Variants in PJA2 observed in about 807,000 individuals in gnomAD.
PJA2 encodes the protein E3 ubiquitin-protein ligase Praja-2.
PJA2 carries 25 observed loss-of-function variants against 69.3 expected under a neutral mutation model. That is an observed-to-expected ratio of 0.36 (90% CI 0.26 to 0.50). The LOEUF is 0.50. Ranked by LOEUF, PJA2 falls within the 20% of genes least tolerant of loss-of-function variation. The pLI is 0.96. For missense variants in PJA2, 809 were observed against 830.2 expected (o/e 0.97, Z 0.31); for synonymous variants, 308 against 277.8 (o/e 1.11, Z -1.08).
chr5:109,371,497 T>C (rs945059682), intron 4 of PJA2, among the ~76,000 whole-genome samples: 6 of 152,222 alleles, frequency 3.9e-5, no homozygotes, highest in Admixed American at 2.0e-4. Flanking sequence ...ATGGCTCTTG[T>C]AGTCTTAGCT....
At chr5:109,361,260 C>A (rs79811484) in intron 6 of PJA2, among the ~76,000 whole-genome samples, 4,641 of 152,082 alleles carry the variant, frequency 0.031, 93 homozygotes, top group Middle Eastern at 0.048. Flanking sequence ...CAGTAATGTC[C>A]CCTCCAATTA....
chr5:109,344,333 G>T, intron 8 of PJA2, 22 bp from the exon 9 acceptor site: 1 of 1,579,438 alleles, frequency 6.3e-7, no homozygotes, highest in Non-Finnish European at 8.6e-7. Context: ...AAATAATTCA[G>T]GTCAATCACA....
At chr5:109,340,022 T>C (rs750698038) in intron 9 of PJA2, among the ~76,000 whole-genome samples, 4 of 152,208 alleles carry the variant, frequency 2.6e-5, no homozygotes, top group South Asian at 2.1e-4. Flanking sequence ...GGAAGTCTCA[T>C]GAGACTTGAG....
chr5:109,369,373 T>C (rs955906528), intron 4 of PJA2, among the ~76,000 whole-genome samples: 3 of 152,214 alleles, frequency 2.0e-5, no homozygotes, highest in African/African-American at 7.2e-5. Flanking sequence ...TGGCAAGTTA[T>C]GGAATATATC....
intron 5 of PJA2, among the ~76,000 whole-genome samples, chr5:109,365,454 A>T (rs892275402): frequency 1.1e-4 from 16 of 152,184 alleles, no homozygotes; most frequent in African/African-American, 3.9e-4. Flanking sequence ...AATGAAATGG[A>T]ACGTGTACAC....
intron 6 of PJA2, among the ~76,000 whole-genome samples, 154 bp from the exon 7 acceptor site, chr5:109,356,180 G>A (rs1430264769): frequency 6.6e-6 from 1 of 152,098 alleles, no homozygotes; most frequent in Non-Finnish European, 1.5e-5. Context: ...TAGGGTTAGG[G>A]GCAGGAGGGA....
At chr5:109,399,228 G>T (rs1233574409) in intron 1 of PJA2, among the ~76,000 whole-genome samples, 1 of 146,466 alleles carries the variant, frequency 6.8e-6, no homozygotes, top group Non-Finnish European at 1.5e-5. Context: ...AAAAAAAAAA[G>T]ATATGAGGCA....
intron 1 of PJA2, among the ~76,000 whole-genome samples, chr5:109,391,515 A>T (rs1427509176): frequency 6.6e-6 from 1 of 152,044 alleles, no homozygotes; most frequent in Non-Finnish European, 1.5e-5. Context: ...GAGCACTATA[A>T]AGATGTACCC....
intron 1 of PJA2, chr5:109,390,849 G>C (rs1425671429): frequency 6.6e-6 from 1 of 151,972 alleles, no homozygotes; most frequent in Admixed American, 6.6e-5. Flanking sequence ...AGTATTTTAA[G>C]TTTTCTTTTG....
chr5:109,397,754 T>C lies in PJA2; in HGVS notation c.-88+12088A>G, dbSNP rs1305932105. ...GGCCAGGCTGGTCTTGAACTCCTGA[T>C]CTCAAATGATCCACCCAGCGTGGCC... On this transcript the variant is annotated intron_variant, in intron 1 of 9. Transcript: ENST00000361189. Among the ~76,000 whole-genome samples, 3 of 151,978 alleles carry C rather than the reference T, an allele frequency of 2.0e-5. No individual in the cohort carries two copies. The East Asian group carries it at 5.8e-4, about 30-fold the overall frequency.
At chr5:109,338,389 C>T (rs1359265821) in intron 9 of PJA2, among the ~76,000 whole-genome samples, 1 of 152,108 alleles carries the variant, frequency 6.6e-6, no homozygotes, top group Non-Finnish European at 1.5e-5. Flanking sequence ...CCTGTAATCC[C>T]AGCACTTTGG....
At position 109,337,245 on chromosome 5, in the gene PJA2, C is replaced by T. The variant is rs246105; in HGVS notation, c.2113G>A (p.Ala705Thr). The change falls in exon 10 of 10, where the codon GCA (alanine) becomes ACA (threonine). Residue 705 changes from alanine (A) to threonine (T), a missense_variant. Coordinates refer to ENST00000361189, the MANE Select transcript of PJA2 (RefSeq NM_014819.5). The stretch of plus-strand genomic sequence containing the variant: ...ACTGTCAAGGTTTAGGGTGCTTCTG[C>T]AATACTGTCATTTGAAGGTGGGGCA... ...PDAPPSNDSI[A>T]EAP is the part of the protein sequence containing the mutation. 403,376 of 1,612,554 alleles carry T rather than the reference C, an allele frequency of 0.25. 54,939 individuals are homozygous for T. The highest frequency in any genetic ancestry group is 0.62 in the East Asian group (27,655 of 44,768).
At chr5:109,347,118 CAT>C (rs1196920197) in intron 7 of PJA2, among the ~76,000 whole-genome samples, 1 of 152,182 alleles carries the variant, frequency 6.6e-6, no homozygotes, top group Non-Finnish European at 1.5e-5. Flanking sequence ...AGTTAATAAA[CAT>C]AGTTAATATT....
chr5:109,396,706 T>C (rs546066078), intron 1 of PJA2, among the ~76,000 whole-genome samples: 19 of 130,388 alleles, frequency 1.5e-4, no homozygotes, highest in Middle Eastern at 5.0e-3. Context: ...ATTACGGGGA[T>C]GAGCACCGCA....
At chr5:109,343,293 G>GAAAAAAGA (rs1319010504) in intron 9 of PJA2, among the ~76,000 whole-genome samples, 5 of 21,974 alleles carry the variant, frequency 2.3e-4, no homozygotes, top group Admixed American at 1.5e-3. Context: ...AAAAAAAAAA[G>GAAAAAAGA]AAAGAAAGAA....
At chr5:109,377,009 A>C (rs1186121305) in intron 4 of PJA2, among the ~76,000 whole-genome samples, 1 of 152,166 alleles carries the variant, frequency 6.6e-6, no homozygotes, top group Non-Finnish European at 1.5e-5. Context: ...ACTGAATAAA[A>C]CACTGTGGGC....
chr5:109,407,713 G>C (rs1009201000), intron 1 of PJA2, among the ~76,000 whole-genome samples: 4 of 151,930 alleles, frequency 2.6e-5, no homozygotes, highest in African/African-American at 4.8e-5. Flanking sequence ...AGAGAAAACA[G>C]AGAGAGAGAA....
chr5:109,368,609 T>A lies in PJA2; in HGVS notation c.1421A>T (p.Asp474Val). The A allele has an allele frequency of 6.2e-7, 1 of 1,614,160 alleles. No individual in the cohort carries two copies. The change falls in exon 5 of 10, where the codon GAT becomes GTT. Residue 474 changes from aspartate (D) to valine (V), a missense_variant. Transcript: ENST00000361189. Reference protein sequence around the residue: ...KDENEPELQSDSSGPEEENQE... With the variant: ...KDENEPELQSVSSGPEEENQE... ...GTTTTCTTCTTCAGGGCCACTGCTA[T>A]CACTTTGTAGCTCAGGTTCATTCTC...
At chr5:109,351,941 G>C (rs1762261131) in intron 7 of PJA2, among the ~76,000 whole-genome samples, 1 of 152,076 alleles carries the variant, frequency 6.6e-6, no homozygotes. Flanking sequence ...ACTGAACACA[G>C]AAAAACAGAT....
Sources: allele counts gnomAD v4.1 joint callset (sites outside exome capture counted in the v4.1 genomes callset), GRCh38; gene constraint gnomAD v4.1.1; transcripts MANE v1.5; gene names NCBI Gene and HGNC (gene_info 2026-07-23, HGNC 2026-07-21).